The following SUGCT variants were observed in gnomAD, a reference collection of about 807,000 sequenced individuals.
The protein encoded by SUGCT is succinyl-CoA:glutarate CoA-transferase.
In SUGCT, 41 loss-of-function variants were observed where a neutral mutation model predicts 55.0. That is an observed-to-expected ratio of 0.74 (90% CI 0.58 to 0.97). The LOEUF (loss-of-function observed/expected upper bound fraction) is 0.97. Among genes scored for constraint, SUGCT ranks in the 50% least tolerant of loss-of-function variants. The probability of loss-of-function intolerance (pLI) is 0.00; values close to 1 mark genes in which losing one functional copy is unlikely to be tolerated. For synonymous variants in SUGCT, 187 were observed against 200.4 expected (o/e 0.93, Z 0.56); for missense variants, 568 against 547.8 (o/e 1.04, Z -0.37).
At chr7:40,575,530 C>T (rs890065002) in intron 12 of SUGCT, among the ~76,000 whole-genome samples, 2 of 152,050 alleles carry the variant, frequency 1.3e-5, no homozygotes, top group Non-Finnish European at 2.9e-5. Context: ...CATCTACTTC[C>T]CCCCACCCCA....
At chr7:40,800,085 A>G (rs1272200924) in intron 13 of SUGCT, among the ~76,000 whole-genome samples, 3 of 152,144 alleles carry the variant, frequency 2.0e-5, no homozygotes, top group Non-Finnish European at 4.4e-5. Flanking sequence ...AGTCATTGTC[A>G]TCAATGTGTA....
intron 1 of SUGCT, among the ~76,000 whole-genome samples, chr7:40,164,423 C>A (rs985412679): frequency 9.9e-5 from 15 of 152,232 alleles, no homozygotes; most frequent in African/African-American, 3.6e-4. Flanking sequence ...CCACTGCGCC[C>A]GGCCTGAATT....
At chr7:40,161,366 C>G (rs1784137008) in intron 1 of SUGCT, among the ~76,000 whole-genome samples, 1 of 152,146 alleles carries the variant, frequency 6.6e-6, no homozygotes, top group Admixed American at 6.5e-5. Flanking sequence ...AATGGGCTCT[C>G]TCTATATTTT....
chr7:40,916,746 G>A, the SUGCT span, among the ~76,000 whole-genome samples: 1 of 152,144 alleles, frequency 6.6e-6, no homozygotes. Context: ...ACATGCTACT[G>A]GCACTTTTTG....
chr7:40,302,293 G>T (rs1794584633), intron 8 of SUGCT, among the ~76,000 whole-genome samples: 1 of 151,900 alleles, frequency 6.6e-6, no homozygotes. Context: ...TCCCCTCCTT[G>T]GTTGACTCCA....
chr7:40,756,980 G>T (rs1338195472), intron 13 of SUGCT, among the ~76,000 whole-genome samples: 1 of 152,116 alleles, frequency 6.6e-6, no homozygotes, highest in Non-Finnish European at 1.5e-5. Context: ...AAATAGACTA[G>T]CTAGGGTACT....
chr7:40,900,085 G>A, the SUGCT span, among the ~76,000 whole-genome samples: 1 of 152,198 alleles, frequency 6.6e-6, no homozygotes, highest in South Asian at 2.1e-4. Flanking sequence ...TCTCAGCGAA[G>A]CATTGGCCAG....
At chr7:40,394,574 C>T (rs1785616630) in intron 9 of SUGCT, among the ~76,000 whole-genome samples, 1 of 152,188 alleles carries the variant, frequency 6.6e-6, no homozygotes. Context: ...CTATGCATTA[C>T]CTCACATGCA....
chr7:40,429,671 T>C (rs2151384453), intron 9 of SUGCT, among the ~76,000 whole-genome samples: 1 of 152,342 alleles, frequency 6.6e-6, no homozygotes, highest in African/African-American at 2.4e-5. Flanking sequence ...CTAGCCACGC[T>C]GGCAGCTGAT....
chr7:40,887,170 T>C, the SUGCT span, among the ~76,000 whole-genome samples: 1 of 152,146 alleles, frequency 6.6e-6, no homozygotes, highest in Non-Finnish European at 1.5e-5. Flanking sequence ...GGCCAGATGA[T>C]AAAGAACATT....
At chr7:40,656,195 TG>T (rs1323833436) in intron 12 of SUGCT, among the ~76,000 whole-genome samples, 1 of 151,924 alleles carries the variant, frequency 6.6e-6, no homozygotes, top group African/African-American at 2.4e-5. Context: ...TTTAAAATCT[TG>T]GTCAGTCTTA....
intron 11 of SUGCT, among the ~76,000 whole-genome samples, chr7:40,488,342 CA>C (rs1458031425): frequency 6.6e-6 from 1 of 152,016 alleles, no homozygotes; most frequent in African/African-American, 2.4e-5. Context: ...ATTGCAACAA[CA>C]AAAAACTCTA....
intron 13 of SUGCT, among the ~76,000 whole-genome samples, chr7:40,801,878 G>A (rs897415586): frequency 3.9e-5 from 6 of 151,902 alleles, no homozygotes; most frequent in Admixed American, 3.9e-4. Context: ...TGCATTGGAT[G>A]AGGATCTGAC....
intron 11 of SUGCT, among the ~76,000 whole-genome samples, chr7:40,464,441 A>T (rs1008826917): frequency 6.6e-6 from 1 of 152,170 alleles, no homozygotes; most frequent in African/African-American, 2.4e-5. Flanking sequence ...ATCTAAGATA[A>T]ATCTTGAGGG....
At chr7:40,573,814 G>A (rs1796578390) in intron 12 of SUGCT, among the ~76,000 whole-genome samples, 1 of 152,138 alleles carries the variant, frequency 6.6e-6, no homozygotes, top group Non-Finnish European at 1.5e-5. Flanking sequence ...TGGTAGAGCT[G>A]GACTTGAGCA....
chr7:40,445,753 A>C (rs545367287), intron 9 of SUGCT, among the ~76,000 whole-genome samples: 7 of 152,196 alleles, frequency 4.6e-5, no homozygotes, highest in Non-Finnish European at 1.0e-4. Flanking sequence ...CCTCAATAAC[A>C]TATTATTTTT....
the SUGCT span, among the ~76,000 whole-genome samples, chr7:40,974,959 T>C: frequency 6.6e-6 from 1 of 152,210 alleles, no homozygotes; most frequent in Non-Finnish European, 1.5e-5. Context: ...ATTAAAGCTC[T>C]CTGAGAGTAA....
chr7:40,790,487 CT>C (rs1164397208), intron 13 of SUGCT, among the ~76,000 whole-genome samples: 1 of 152,122 alleles, frequency 6.6e-6, no homozygotes, highest in Non-Finnish European at 1.5e-5. Flanking sequence ...ATTCTAAGTA[CT>C]TAGTGAGCCA....
chr7:40,628,240 T>C (rs761373185), intron 12 of SUGCT, among the ~76,000 whole-genome samples: 62 of 152,222 alleles, frequency 4.1e-4, no homozygotes, highest in Non-Finnish European at 1.6e-4. Context: ...ATATCCCCCT[T>C]GGATAAAGGG....
Sources: gnomAD v4.1 joint callset for allele counts (sites outside exome capture counted in the v4.1 genomes callset) on GRCh38, gnomAD v4.1.1 for gene constraint, MANE v1.5 for transcripts, NCBI Gene and HGNC (gene_info 2026-07-23, HGNC 2026-07-21) for gene names.